WIPF3: variants seen among roughly 807,000 people sequenced by gnomAD.
WIPF3 encodes WAS/WASL interacting protein family member 3.
In WIPF3, 33 loss-of-function variants were observed where a neutral mutation model predicts 38.9. That is an observed-to-expected ratio of 0.85 (90% confidence interval 0.64 to 1.14). The LOEUF (loss-of-function observed/expected upper bound fraction) is 1.14. WIPF3 is among the 50% of genes most tolerant of loss of function. The pLI, the probability that WIPF3 is intolerant of heterozygous loss-of-function variation, is 0.00. For synonymous variants in WIPF3, 324 were observed against 269.3 expected (o/e 1.20, Z -1.99); for missense variants, 711 against 652.5 (o/e 1.09, Z -0.98).
intron 1 of WIPF3, among the ~76,000 whole-genome samples, chr7:29,822,123 GTT>G: frequency 1.6e-4 from 10 of 62,834 alleles, no homozygotes; most frequent in African/African-American, 6.3e-4. Context: ...TTTTTTCTTA[GTT>G]TTTTTTTTTT....
chr7:29,858,782 T>C (rs771215596), intron 2 of WIPF3, among the ~76,000 whole-genome samples: 1 of 152,318 alleles, frequency 6.6e-6, no homozygotes, highest in Admixed American at 6.5e-5. Flanking sequence ...TTTATTAATA[T>C]ACAAAGAGTG....
chr7:29,890,347 G>T (rs1190210231), intron 7 of WIPF3, among the ~76,000 whole-genome samples: 1 of 120,070 alleles, frequency 8.3e-6, no homozygotes, highest in Non-Finnish European at 1.7e-5. Flanking sequence ...GTGAGACTCT[G>T]TATCCACAAA....
At chr7:29,845,711 C>T (rs905851427) in intron 2 of WIPF3, among the ~76,000 whole-genome samples, 6 of 152,188 alleles carry the variant, frequency 3.9e-5, no homozygotes, top group African/African-American at 1.4e-4. Flanking sequence ...AGACCAGAGT[C>T]GGATGAGGGA....
At chr7:29,860,229 T>C (rs958929020) in intron 2 of WIPF3, among the ~76,000 whole-genome samples, 2 of 152,282 alleles carry the variant, frequency 1.3e-5, no homozygotes, top group Non-Finnish European at 2.9e-5. Flanking sequence ...ATTCTCAAAC[T>C]TCCCACTTCC....
At chr7:29,870,078 A>G (rs1785468393) in intron 2 of WIPF3, among the ~76,000 whole-genome samples, 1 of 152,178 alleles carries the variant, frequency 6.6e-6, no homozygotes, top group Non-Finnish European at 1.5e-5. Context: ...AGGGATCTTC[A>G]TCTGGACTTC....
At chr7:29,895,054 C>T (rs540285869) in intron 7 of WIPF3, among the ~76,000 whole-genome samples, 3 of 151,902 alleles carry the variant, frequency 2.0e-5, no homozygotes, top group Non-Finnish European at 4.4e-5. Context: ...TGGGTTCAAC[C>T]GATTCTCCTG....
rs151188240 is a variant in WIPF3, at chr7:29,830,500, G to C, written c.-57-4168G>C. Reference sequence around the variant, plus strand: ...CCAGGGGTGGCAGTGTGTGCCTGTAGTCCTAGCTACTTGGGAGGCTGAGGT... The same window carrying C: ...CCAGGGGTGGCAGTGTGTGCCTGTACTCCTAGCTACTTGGGAGGCTGAGGT... On this transcript the variant is annotated intron_variant, in intron 1 of 8. Transcript: ENST00000242140. Among the ~76,000 whole-genome samples the C allele has an allele frequency of 4.8e-3, 727 of 151,772 alleles. 8 individuals are homozygous for C. Among genetic ancestry groups the C allele is most frequent in the African/African-American group, 0.016 (679 of 41,362 alleles).
At chr7:29,846,632 C>G (rs541360233) in intron 2 of WIPF3, among the ~76,000 whole-genome samples, 31 of 152,240 alleles carry the variant, frequency 2.0e-4, no homozygotes, top group African/African-American at 7.2e-4. Flanking sequence ...ACCTGGGAGG[C>G]GGAGGTTGCA....
intron 2 of WIPF3, among the ~76,000 whole-genome samples, chr7:29,842,525 A>G (rs1784929046): frequency 6.6e-6 from 1 of 152,196 alleles, no homozygotes; most frequent in South Asian, 2.1e-4. Flanking sequence ...ATTCAGTGGC[A>G]TGATTTTTCT....
intron 7 of WIPF3, among the ~76,000 whole-genome samples, chr7:29,891,041 G>T (rs1311644453): frequency 1.4e-5 from 2 of 145,484 alleles, no homozygotes; most frequent in Admixed American, 1.4e-4. Flanking sequence ...CTCAGGTGGA[G>T]GGGGCACGGG....
rs1784284890 is a variant in WIPF3, at chr7:29,806,696, G to C, written c.-58+18G>C. On this transcript the variant is annotated intron_variant, in intron 1 of 8. Transcript: ENST00000242140. ...ACCTGCAGGTAGCGGCTTCCCGCGC[G>C]GGTGCGGGTCGGTGCCCGAGGGTGG... 1 of 151,542 alleles carries C rather than the reference G, an allele frequency of 6.6e-6. No homozygotes were observed. The allele number at this position is 151,542 out of a possible 1,614,324, so 9.4% of individuals were successfully genotyped here. A position where few individuals can be genotyped will look rare whatever the true frequency, so the allele number is the denominator to read the frequency against.
intron 1 of WIPF3, among the ~76,000 whole-genome samples, chr7:29,819,256 A>G (rs1362464637): frequency 6.6e-6 from 1 of 151,892 alleles, no homozygotes; most frequent in Non-Finnish European, 1.5e-5. Flanking sequence ...TCATGTTTTC[A>G]TATTCAACTC....
rs938498899 is a variant in WIPF3, at chr7:29,915,412, G to C, written c.*896G>C. 1 of 152,090 alleles carries C rather than the reference G, an allele frequency of 6.6e-6. No individual in the cohort carries two copies. The highest frequency in any genetic ancestry group is 2.1e-4 in the South Asian group (1 of 4,816). 9.4% of individuals were successfully genotyped at this position (152,090 alleles called of 1,614,324 possible). On this transcript the variant is annotated 3_prime_UTR_variant, in exon 9 of 9. Transcript: ENST00000242140. ...AGGTCTCCCCTTCTGCCCTTGCTTCGAGTGTGGACTTCCATGGAAAATATG... is the reference window on the plus strand; with the variant it reads ...AGGTCTCCCCTTCTGCCCTTGCTTCCAGTGTGGACTTCCATGGAAAATATG...
rs1473398291 is a variant in WIPF3 at position 29,916,563 on chromosome 7, A to T, written c.*2047A>T. 6.6e-6 allele frequency: 1 copy of T among 152,194 alleles called. No homozygotes were observed. Among genetic ancestry groups the T allele is most frequent in the East Asian group, 1.9e-4 (1 of 5,182 alleles). 9.4% of individuals were successfully genotyped at this position (152,194 alleles called of 1,614,324 possible). A position where few individuals can be genotyped will look rare whatever the true frequency, so the allele number is the denominator to read the frequency against. ...AACCCTGTCTACTCAAATACAAAAA[A>T]TTAGCCAGGCATGGTGGCTCACACC... On this transcript the variant is annotated 3_prime_UTR_variant, in exon 9 of 9. Coordinates refer to ENST00000242140, the MANE Select transcript of WIPF3 (RefSeq NM_001080529.3).
rs938337754 is a variant in WIPF3 at position 29,812,342 on chromosome 7, C to T, written c.-58+5664C>T. On this transcript the variant is annotated intron_variant, in intron 1 of 8. Transcript: ENST00000242140. ...TTTATTTGTCTTGTGGAATTAGACT[C>T]CTAAGAAAGGCAGTCTGGGGCCTGT... is the stretch of plus-strand genomic sequence containing the variant. 1.3e-5 allele frequency among the ~76,000 whole-genome samples: 2 copies of T among 152,276 alleles called. 1 individual carries two copies. Among genetic ancestry groups the T allele is most frequent in the Non-Finnish European group, 2.9e-5 (2 of 68,030 alleles).
intron 2 of WIPF3, among the ~76,000 whole-genome samples, chr7:29,849,745 A>C (rs144215440): frequency 6.6e-6 from 1 of 152,360 alleles, no homozygotes; most frequent in African/African-American, 2.4e-5. Context: ...GTATTTCTTT[A>C]TATATACATA....
intron 1 of WIPF3, among the ~76,000 whole-genome samples, chr7:29,815,214 A>G (rs1198448688): frequency 6.6e-6 from 1 of 152,188 alleles, no homozygotes; most frequent in African/African-American, 2.4e-5. Flanking sequence ...CTATTTGGAA[A>G]TACACAGTCA....
chr7:29,853,756 T>C (rs947995181), intron 2 of WIPF3, among the ~76,000 whole-genome samples: 29 of 152,244 alleles, frequency 1.9e-4, no homozygotes, highest in Admixed American at 1.9e-3. Flanking sequence ...AAATACTACC[T>C]ATCTCATTAT....
At chr7:29,821,081 A>G (rs1371050743) in intron 1 of WIPF3, among the ~76,000 whole-genome samples, 1 of 152,122 alleles carries the variant, frequency 6.6e-6, no homozygotes, top group African/African-American at 2.4e-5. Flanking sequence ...CATTTTTCCT[A>G]CAGTGGTATC....
Sources: gnomAD v4.1 joint callset for allele counts (sites outside exome capture counted in the v4.1 genomes callset) on GRCh38, gnomAD v4.1.1 for gene constraint, MANE v1.5 for transcripts, NCBI Gene and HGNC (gene_info 2026-07-23, HGNC 2026-07-21) for gene names.